Variants in GLIS3 observed in about 807,000 individuals in gnomAD.
GLIS3 encodes the protein GLIS family zinc finger 3, also known as zinc finger protein GLIS3.
A neutral mutation model predicts 78.6 loss-of-function variants in GLIS3; 53 were observed. The ratio of observed to expected loss-of-function variants is 0.67; its 90% CI spans 0.54 to 0.85. The LOEUF (loss-of-function observed/expected upper bound fraction) is 0.85. GLIS3 is among the 40% of genes least tolerant of loss of function. GLIS3 has a pLI of 0.00. For missense variants in GLIS3, 1,703 were observed against 1,231.1 expected, an observed-to-expected ratio of 1.38 and a Z score of -5.74; for synonymous variants, 684 against 509.9, an observed-to-expected ratio of 1.34 and a Z score of -4.60.
At chr9:4,466,649 G>C in the GLIS3 span, among the ~76,000 whole-genome samples, 1 of 152,186 alleles carries the variant, frequency 6.6e-6, no homozygotes, top group African/African-American at 2.4e-5. Context: ...CCAATTAATA[G>C]AGAGAACTAG....
chr9:4,328,455 T>C (rs947180646), intron 2 of GLIS3, among the ~76,000 whole-genome samples: 11 of 152,142 alleles, frequency 7.2e-5, no homozygotes, highest in Non-Finnish European at 1.3e-4. Context: ...CCCATTCTGC[T>C]CCCACCTTTT....
intron 9 of GLIS3, among the ~76,000 whole-genome samples, chr9:3,847,760 A>G (rs1466797917): frequency 6.6e-6 from 1 of 152,252 alleles, no homozygotes; most frequent in African/African-American, 2.4e-5. Context: ...TTTTAGAATT[A>G]GAACACAGTC....
At chr9:4,217,954 G>A (rs961879224) in intron 2 of GLIS3, among the ~76,000 whole-genome samples, 10 of 152,212 alleles carry the variant, frequency 6.6e-5, no homozygotes, top group African/African-American at 2.2e-4. Flanking sequence ...AGCATCTGCT[G>A]TGAGATTGAA....
chr9:4,301,474 T>C (rs1197670241), upstream of GLIS3, among the ~76,000 whole-genome samples: 1 of 152,346 alleles, frequency 6.6e-6, no homozygotes, highest in East Asian at 1.9e-4. Flanking sequence ...TGGCTAGTTA[T>C]TGCAACATGC....
chr9:4,179,907 C>G (rs1303592232), intron 2 of GLIS3, among the ~76,000 whole-genome samples: 3 of 107,880 alleles, frequency 2.8e-5, no homozygotes, highest in South Asian at 6.6e-4. Flanking sequence ...GAGACTCTGT[C>G]TCAAAAAAAA....
rs553217452 is a variant in GLIS3 at position 3,964,103 on chromosome 9, A to G, written c.1711-26914T>C. Among the ~76,000 whole-genome samples, 8 of 152,076 alleles carry G rather than the reference A, an allele frequency of 5.3e-5. No homozygotes were observed. The South Asian group carries it at 1.7e-3, about 32-fold the overall frequency. On this transcript the variant is annotated intron_variant, in intron 4 of 10. Coordinates refer to ENST00000381971, the MANE Select transcript of GLIS3 (RefSeq NM_001042413.2). ...ACACCGAGAGAGTGCTGGGCTGCAAAGTATCATTGCTGGCCCAAGCCATTA... is the reference window on the plus strand; with the variant it reads ...ACACCGAGAGAGTGCTGGGCTGCAAGGTATCATTGCTGGCCCAAGCCATTA...
At chr9:4,125,634 G>GTC (rs1491278717) in intron 3 of GLIS3, 100 bp downstream of exon 3, 2 of 209,982 alleles carry the variant, frequency 9.5e-6, no homozygotes, top group African/African-American at 5.9e-5. Context: ...AAGTGTATGA[G>GTC]TGTGTGTGTG....
At chr9:4,180,540 A>C (rs1817218954) in intron 2 of GLIS3, among the ~76,000 whole-genome samples, 2 of 152,172 alleles carry the variant, frequency 1.3e-5, no homozygotes, top group African/African-American at 4.8e-5. Flanking sequence ...GTTGGCACTC[A>C]CCAAGTATGA....
intron 1 of GLIS3, among the ~76,000 whole-genome samples, chr9:4,287,455 T>C (rs1828100588): frequency 6.6e-6 from 1 of 152,204 alleles, no homozygotes; most frequent in African/African-American, 2.4e-5. Flanking sequence ...GGCCCCTCCT[T>C]CCCTTGACCA....
At chr9:3,833,904 T>A (rs1818196077) in intron 9 of GLIS3, among the ~76,000 whole-genome samples, 1 of 152,222 alleles carries the variant, frequency 6.6e-6, no homozygotes, top group Admixed American at 6.5e-5. Flanking sequence ...TTTGGGAAGT[T>A]TTTTTTCCCC....
intron 4 of GLIS3, among the ~76,000 whole-genome samples, chr9:4,076,707 A>G (rs1272271153): frequency 6.6e-6 from 1 of 152,200 alleles, no homozygotes; most frequent in African/African-American, 2.4e-5. Context: ...CTGTGATGCC[A>G]CTTCATAGCC....
chr9:4,165,376 G>A (rs1220533790), intron 2 of GLIS3, among the ~76,000 whole-genome samples: 2 of 152,220 alleles, frequency 1.3e-5, no homozygotes, highest in African/African-American at 4.8e-5. Context: ...AGGAGGCGGA[G>A]GTTGCAGTGA....
chr9:4,409,293 T>A, the GLIS3 span, among the ~76,000 whole-genome samples: 1 of 152,198 alleles, frequency 6.6e-6, no homozygotes, highest in African/African-American at 2.4e-5. Flanking sequence ...TTATTTCAGG[T>A]TGACAAAGTA....
At chr9:4,148,696 G>A (rs1432467402) in intron 2 of GLIS3, among the ~76,000 whole-genome samples, 3 of 152,198 alleles carry the variant, frequency 2.0e-5, no homozygotes, top group Admixed American at 1.3e-4. Context: ...CCTGTAGCAA[G>A]TTTTAGTAAA....
intron 2 of GLIS3, among the ~76,000 whole-genome samples, chr9:4,213,347 A>T (rs1355387621): frequency 6.6e-6 from 1 of 152,142 alleles, no homozygotes; most frequent in Non-Finnish European, 1.5e-5. Flanking sequence ...GCTCCCTTTA[A>T]AACCTGTACA....
At chr9:4,284,946 T>C (rs1827859285) in intron 2 of GLIS3, among the ~76,000 whole-genome samples, 1 of 135,696 alleles carries the variant, frequency 7.4e-6, no homozygotes, top group Non-Finnish European at 1.6e-5. Context: ...AAAAGGCACA[T>C]GTATGTTTAG....
At chr9:4,165,751 G>A (rs1034236757) in intron 2 of GLIS3, among the ~76,000 whole-genome samples, 7 of 152,226 alleles carry the variant, frequency 4.6e-5, no homozygotes, top group Non-Finnish European at 7.3e-5. Flanking sequence ...TTGGAAAGGA[G>A]AGCCTAGAAA....
At chr9:4,010,972 T>C (rs1349400989) in intron 4 of GLIS3, among the ~76,000 whole-genome samples, 1 of 152,124 alleles carries the variant, frequency 6.6e-6, no homozygotes, top group African/African-American at 2.4e-5. Flanking sequence ...CATTTATTTT[T>C]AAAAAATTGC....
chr9:4,142,692 C>T (rs1168955494), intron 2 of GLIS3, among the ~76,000 whole-genome samples: 1 of 152,102 alleles, frequency 6.6e-6, no homozygotes, highest in Non-Finnish European at 1.5e-5. Context: ...AATATTAGCA[C>T]CTTACAATGG....
Sources: gnomAD v4.1 joint callset for allele counts (sites outside exome capture counted in the v4.1 genomes callset) on GRCh38, gnomAD v4.1.1 for gene constraint, MANE v1.5 for transcripts, NCBI Gene and HGNC (gene_info 2026-07-23, HGNC 2026-07-21) for gene names.